CDH12: variants seen among roughly 807,000 people sequenced by gnomAD.
CDH12 encodes the protein cadherin-12.
CDH12 carries 41 observed loss-of-function variants against 74.1 expected under a neutral mutation model. The observed-to-expected ratio is 0.55, with a 90% CI of 0.43 to 0.72. The LOEUF (loss-of-function observed/expected upper bound fraction) is 0.72, where lower values mean the gene tolerates loss of function less well. CDH12 is among the 30% of genes least tolerant of loss of function. The pLI is 0.00. For synonymous variants in CDH12, 399 were observed against 355.0 expected (o/e 1.12, Z -1.39); for missense variants, 945 against 977.2 (o/e 0.97, Z 0.44).
chr5:22,066,222 T>C (rs1741548891), intron 5 of CDH12, among the ~76,000 whole-genome samples: 1 of 152,112 alleles, frequency 6.6e-6, no homozygotes, highest in African/African-American at 2.4e-5. Flanking sequence ...TATGAGTAAG[T>C]TCTTTAGCGG....
At chr5:22,576,216 T>C (rs957765289) in intron 1 of CDH12, among the ~76,000 whole-genome samples, 10 of 152,192 alleles carry the variant, frequency 6.6e-5, no homozygotes, top group African/African-American at 2.2e-4. Context: ...TCTGGTTGCA[T>C]GATGGCCATG....
At chr5:21,763,509 G>C (rs1291936468) in intron 12 of CDH12, among the ~76,000 whole-genome samples, 2 of 152,018 alleles carry the variant, frequency 1.3e-5, no homozygotes, top group Non-Finnish European at 2.9e-5. Context: ...TAAATATCAA[G>C]ACTTATTTCA....
At chr5:22,501,733 T>G (rs1736155569) in intron 2 of CDH12, among the ~76,000 whole-genome samples, 2 of 136,776 alleles carry the variant, frequency 1.5e-5, no homozygotes, top group South Asian at 4.8e-4. Context: ...TAGTTATGCC[T>G]TACAAAGTAT....
intron 3 of CDH12, 91 bp downstream of exon 3, chr5:22,405,166 T>C (rs1703313): frequency 0.12 from 26,078 of 219,928 alleles, 1,642 homozygotes; most frequent in South Asian, 0.19. Context: ...GCCGAGATGG[T>C]GCCACTTCAC....
chr5:21,833,079 T>TTA (rs1749194390), intron 8 of CDH12, among the ~76,000 whole-genome samples: 1 of 53,172 alleles, frequency 1.9e-5, no homozygotes, highest in Non-Finnish European at 3.4e-5. Context: ...ATAATATATA[T>TTA]TATATTATAA....
chr5:22,612,324 C>A (rs1415946839), intron 1 of CDH12, among the ~76,000 whole-genome samples: 1 of 152,062 alleles, frequency 6.6e-6, no homozygotes, highest in Non-Finnish European at 1.5e-5. Flanking sequence ...GTATACATAT[C>A]TGGGGAAGCT....
chr5:22,230,930 A>G (rs1489676616), intron 3 of CDH12, among the ~76,000 whole-genome samples: 2 of 152,210 alleles, frequency 1.3e-5, no homozygotes, highest in Admixed American at 1.3e-4. Flanking sequence ...AGCAGATAGT[A>G]AGTCACACTA....
intron 3 of CDH12, among the ~76,000 whole-genome samples, chr5:22,380,341 TTTAAA>T: frequency 6.6e-6 from 1 of 152,290 alleles, no homozygotes; most frequent in Non-Finnish European, 1.5e-5. Flanking sequence ...CTTTGTCCCT[TTTAAA>T]TTATTTATTC....
At chr5:22,544,993 T>C (rs1165772056) in intron 1 of CDH12, among the ~76,000 whole-genome samples, 1 of 152,084 alleles carries the variant, frequency 6.6e-6, no homozygotes, top group African/African-American at 2.4e-5. Context: ...GACTATTCCA[T>C]CTACTCACAC....
intron 4 of CDH12, among the ~76,000 whole-genome samples, chr5:22,173,591 T>C (rs1373588354): frequency 6.6e-6 from 1 of 151,378 alleles, no homozygotes; most frequent in Non-Finnish European, 1.5e-5. Flanking sequence ...ATTACTTCGA[T>C]TTTTACAACC....
At chr5:22,470,286 G>A (rs2662504) in intron 2 of CDH12, among the ~76,000 whole-genome samples, 65,220 of 151,814 alleles carry the variant, frequency 0.43, 14,452 homozygotes, top group Admixed American at 0.61. Flanking sequence ...GGATTATGAA[G>A]GTTAGGAAGC....
intron 6 of CDH12, among the ~76,000 whole-genome samples, chr5:21,953,157 C>T (rs1030535500): frequency 6.1e-4 from 93 of 151,914 alleles, no homozygotes; most frequent in African/African-American, 2.1e-3. Context: ...GAGGCTTCAT[C>T]TACTTAATAA....
intron 2 of CDH12, among the ~76,000 whole-genome samples, chr5:22,435,926 T>A (rs939934170): frequency 6.6e-6 from 1 of 151,652 alleles, no homozygotes; most frequent in African/African-American, 2.4e-5. Flanking sequence ...GGCTCACTGG[T>A]TTCCCCCCAC....
At chr5:22,444,554 T>C (rs1358915805) in intron 2 of CDH12, among the ~76,000 whole-genome samples, 13 of 151,348 alleles carry the variant, frequency 8.6e-5, no homozygotes, top group South Asian at 2.1e-4. Flanking sequence ...TTTTTTTTTT[T>C]CCCATAAGTA....
At chr5:22,693,019 T>A (rs888443133) in intron 1 of CDH12, among the ~76,000 whole-genome samples, 1 of 118,852 alleles carries the variant, frequency 8.4e-6, no homozygotes, top group Non-Finnish European at 1.9e-5. Context: ...TTTTAATTTC[T>A]TTTTTTTTTT....
At chr5:22,767,336 AAT>A (rs1214321343) in intron 1 of CDH12, among the ~76,000 whole-genome samples, 1 of 152,050 alleles carries the variant, frequency 6.6e-6, no homozygotes, top group African/African-American at 2.4e-5. Context: ...ATTATTAATC[AAT>A]AGTCATTTCA....
chr5:22,748,041 T>G (rs969082824), intron 1 of CDH12, among the ~76,000 whole-genome samples: 2 of 152,216 alleles, frequency 1.3e-5, no homozygotes, highest in Non-Finnish European at 2.9e-5. Flanking sequence ...TGAAGATGTT[T>G]GCCACTGAGA....
At chr5:22,299,853 T>C (rs1232222408) in intron 3 of CDH12, among the ~76,000 whole-genome samples, 2 of 152,116 alleles carry the variant, frequency 1.3e-5, no homozygotes, top group East Asian at 3.9e-4. Flanking sequence ...TAAAAGAGAG[T>C]ATAGTAATAT....
At chr5:21,817,261 G>A (rs1748112179) in intron 8 of CDH12, 129 bp from the exon 9 acceptor site, 1 of 545,108 alleles carries the variant, frequency 1.8e-6, no homozygotes, top group Non-Finnish European at 3.1e-6. Context: ...AATTGAAAAG[G>A]CAATTTGCTG....
Sources: gnomAD v4.1 joint callset for allele counts (sites outside exome capture counted in the v4.1 genomes callset) on GRCh38, gnomAD v4.1.1 for gene constraint, MANE v1.5 for transcripts, NCBI Gene and HGNC (gene_info 2026-07-23, HGNC 2026-07-21) for gene names.